PDZRN3: variants seen among roughly 807,000 people sequenced by gnomAD.
The protein encoded by PDZRN3 is E3 ubiquitin-protein ligase PDZRN3.
A neutral mutation model predicts 85.7 loss-of-function variants in PDZRN3; 38 were observed. The ratio of observed to expected loss-of-function variants is 0.44; its 90% CI spans 0.34 to 0.58. The LOEUF (loss-of-function observed/expected upper bound fraction) is 0.58. PDZRN3 is among the 20% of genes least tolerant of loss of function. The pLI, the probability that PDZRN3 is intolerant of heterozygous loss-of-function variation, is 0.01. For synonymous variants in PDZRN3, 759 were observed against 638.0 expected, an observed-to-expected ratio of 1.19 and a Z score of -2.86; for missense variants, 1,629 against 1,506.4, an observed-to-expected ratio of 1.08 and a Z score of -1.35.
chr3:73,517,031 G>A (rs924159637), intron 3 of PDZRN3, among the ~76,000 whole-genome samples: 3 of 152,156 alleles, frequency 2.0e-5, no homozygotes, highest in Non-Finnish European at 2.9e-5. Context: ...CATCACGAAA[G>A]GGAGAATACA....
intron 3 of PDZRN3, among the ~76,000 whole-genome samples, chr3:73,419,917 T>C (rs1000408718): frequency 6.6e-6 from 1 of 152,222 alleles, no homozygotes; most frequent in African/African-American, 2.4e-5. Context: ...GTGGTTAACA[T>C]TTTTAATGAC....
At chr3:73,562,617 T>C (rs1701844072) in intron 3 of PDZRN3, among the ~76,000 whole-genome samples, 1 of 152,126 alleles carries the variant, frequency 6.6e-6, no homozygotes, top group Admixed American at 6.5e-5. Flanking sequence ...GCCATCTACA[T>C]TTCCGGGACT....
chr3:73,579,720 T>C lies in PDZRN3; in HGVS notation c.918+22634A>G, dbSNP rs571830304. The stretch of plus-strand genomic sequence containing the variant: ...CTGAGAGAAGTAAGAAGCCCGCCAC[T>C]GAGGATCTGACTGTAATAAGGGTGC... On this transcript the variant is annotated intron_variant, in intron 3 of 9. Transcript: ENST00000263666. Among the ~76,000 whole-genome samples the C allele has an allele frequency of 2.0e-4, 30 of 152,294 alleles. No homozygotes were observed. In the South Asian group the frequency reaches 5.8e-3, roughly 29 times the overall value.
intron 3 of PDZRN3, among the ~76,000 whole-genome samples, chr3:73,497,516 A>G (rs1296343869): frequency 2.0e-5 from 3 of 152,252 alleles, no homozygotes; most frequent in Non-Finnish European, 2.9e-5. Context: ...TCCTGATTTA[A>G]GAAAACTCAA....
chr3:73,465,169 G>T (rs1703187770), intron 3 of PDZRN3, among the ~76,000 whole-genome samples: 2 of 152,158 alleles, frequency 1.3e-5, no homozygotes, highest in Non-Finnish European at 2.9e-5. Context: ...CTCACAGGCA[G>T]AGTCGGTATA....
chr3:73,439,331 C>T (rs925674058), intron 3 of PDZRN3, among the ~76,000 whole-genome samples: 6 of 152,176 alleles, frequency 3.9e-5, no homozygotes, highest in Non-Finnish European at 5.9e-5. Context: ...AAGAAGTTGG[C>T]TCTCACAAGA....
chr3:73,510,692 G>T (rs1168712261), intron 3 of PDZRN3, among the ~76,000 whole-genome samples: 1 of 152,132 alleles, frequency 6.6e-6, no homozygotes, highest in African/African-American at 2.4e-5. Context: ...ATCCTCTAGG[G>T]ATATATTGCC....
chr3:73,514,828 C>T (rs1288206340), intron 3 of PDZRN3, among the ~76,000 whole-genome samples: 1 of 152,182 alleles, frequency 6.6e-6, no homozygotes, highest in Non-Finnish European at 1.5e-5. Flanking sequence ...AGGCTATGTT[C>T]CCGGTACAAA....
intron 3 of PDZRN3, among the ~76,000 whole-genome samples, chr3:73,488,951 T>C (rs2106653538): frequency 6.6e-6 from 1 of 152,132 alleles, no homozygotes; most frequent in South Asian, 2.1e-4. Flanking sequence ...GTGCCTGTAG[T>C]GGGTGGGCAT....
chr3:73,587,644 T>C (rs982614628), intron 3 of PDZRN3, among the ~76,000 whole-genome samples: 2 of 152,216 alleles, frequency 1.3e-5, no homozygotes, highest in Admixed American at 6.5e-5. Flanking sequence ...CTCTCTATAG[T>C]GGATTCTAAT....
At chr3:73,493,813 G>C (rs1416129352) in intron 3 of PDZRN3, among the ~76,000 whole-genome samples, 1 of 152,190 alleles carries the variant, frequency 6.6e-6, no homozygotes, top group East Asian at 1.9e-4. Context: ...ATTTTTGCTA[G>C]AATTATCAAG....
Position 73,416,104 on chromosome 3 carries a change from G to A in PDZRN3, c.919-11709C>T, listed in dbSNP as rs117232680. Among the ~76,000 whole-genome samples the A allele has an allele frequency of 7.8e-4, 118 of 151,920 alleles. 2 individuals are homozygous for A. In the East Asian group the frequency reaches 0.022, roughly 29 times the overall value. On this transcript the variant is annotated intron_variant, in intron 3 of 9. Transcript: ENST00000263666. ...TTTTTCCTTCTGTTTGTACCTTAGA[G>A]ACATGATCATGGGAGTTGGCTGCTG...
intron 3 of PDZRN3, among the ~76,000 whole-genome samples, chr3:73,446,860 G>A (rs576519848): frequency 3.3e-5 from 5 of 151,714 alleles, no homozygotes; most frequent in African/African-American, 9.7e-5. Context: ...TCTTACCCTC[G>A]TGACTTGTGT....
intron 3 of PDZRN3, among the ~76,000 whole-genome samples, chr3:73,495,808 T>C (rs1703855744): frequency 1.3e-5 from 2 of 152,224 alleles, no homozygotes; most frequent in Non-Finnish European, 2.9e-5. Flanking sequence ...ATGAAAGTTG[T>C]TTATTTTTCT....
chr3:73,524,953 ATC>A (rs1704487991), intron 3 of PDZRN3, among the ~76,000 whole-genome samples: 1 of 150,758 alleles, frequency 6.6e-6, no homozygotes, highest in Non-Finnish European at 1.5e-5. Flanking sequence ...AAAATCATAG[ATC>A]TGATTCATAT....
intron 3 of PDZRN3, among the ~76,000 whole-genome samples, chr3:73,492,253 G>T (rs6805940): frequency 0.98 from 149,096 of 152,284 alleles, 73,058 homozygotes; most frequent in Middle Eastern, 1. Context: ...CTGTCTTCTC[G>T]TGCAAAAATG....
intron 3 of PDZRN3, among the ~76,000 whole-genome samples, chr3:73,576,218 G>T (rs1256182912): frequency 6.6e-6 from 1 of 152,136 alleles, no homozygotes; most frequent in Non-Finnish European, 1.5e-5. Context: ...GCTCTATCCA[G>T]TGTTAAGGAT....
intron 3 of PDZRN3, among the ~76,000 whole-genome samples, chr3:73,448,578 A>C (rs769941371): frequency 6.6e-5 from 10 of 152,204 alleles, no homozygotes; most frequent in African/African-American, 2.2e-4. Flanking sequence ...GCTAAACACT[A>C]ATCTCAATCT....
At chr3:73,548,513 C>T (rs990029943) in intron 3 of PDZRN3, among the ~76,000 whole-genome samples, 27 of 152,300 alleles carry the variant, frequency 1.8e-4, no homozygotes, top group South Asian at 8.3e-4. Flanking sequence ...GACTGTCTTG[C>T]GGAGAGCTCA....
Sources: gnomAD v4.1 joint callset for allele counts (sites outside exome capture counted in the v4.1 genomes callset) on GRCh38, gnomAD v4.1.1 for gene constraint, MANE v1.5 for transcripts, NCBI Gene and HGNC (gene_info 2026-07-23, HGNC 2026-07-21) for gene names.